Variants in CYFIP1 observed in about 807,000 individuals in gnomAD.
The protein encoded by CYFIP1 is cytoplasmic FMR1-interacting protein 1.
Under a neutral mutation model 163.5 loss-of-function variants are expected in CYFIP1, and 58 were observed. The observed-to-expected ratio is 0.35, with a 90% CI of 0.29 to 0.44. The LOEUF (loss-of-function observed/expected upper bound fraction) is 0.44, where lower values mean the gene tolerates loss of function less well. Among genes scored for constraint, CYFIP1 ranks in the 20% least tolerant of loss-of-function variants. The pLI, the probability that CYFIP1 is intolerant of heterozygous loss-of-function variation, is 1.00. For missense variants in CYFIP1, 1,338 were observed against 1,653.8 expected, an observed-to-expected ratio of 0.81 and a Z score of 3.31; for synonymous variants, 663 against 660.7, an observed-to-expected ratio of 1.00 and a Z score of -0.05.
intron 6 of CYFIP1, 49 bp from the exon 7 acceptor site, chr15:22,939,556 TTAAAAAAAAAAAA>T (rs2061832077): frequency 2.2e-5 from 9 of 408,542 alleles, no homozygotes; most frequent in Non-Finnish European, 3.0e-5. Flanking sequence ...CGTGCCACAT[TTAAAAAAAAAAAA>T]AAAAAAAAAA....
At chr15:22,954,780 T>C (rs1194429678) in intron 1 of CYFIP1, among the ~76,000 whole-genome samples, 1 of 152,168 alleles carries the variant, frequency 6.6e-6, no homozygotes, top group African/African-American at 2.4e-5. Context: ...TAATAAGCCA[T>C]CAGTTCGTTT....
intron 3 of CYFIP1, among the ~76,000 whole-genome samples, chr15:22,945,414 G>A (rs967456492): frequency 2.0e-5 from 3 of 152,156 alleles, no homozygotes; most frequent in South Asian, 2.1e-4. Context: ...TTAGGAGCAC[G>A]CCCACAGCAC....
intron 30 of CYFIP1, among the ~76,000 whole-genome samples, chr15:22,871,565 T>C (rs779898959): frequency 1.3e-5 from 2 of 152,134 alleles, no homozygotes; most frequent in Non-Finnish European, 2.9e-5. Flanking sequence ...TGTGACTGCA[T>C]TGCCTCCACT....
At chr15:22,883,216 A>G (rs1051947265) in intron 23 of CYFIP1, among the ~76,000 whole-genome samples, 1 of 152,218 alleles carries the variant, frequency 6.6e-6, no homozygotes, top group Non-Finnish European at 1.5e-5. Context: ...ATAGAAAAGA[A>G]AAGAAAACCA....
intron 14 of CYFIP1, 24 bp downstream of exon 14, chr15:22,918,668 G>A (rs773352392): frequency 1.3e-6 from 2 of 1,546,350 alleles, no homozygotes; most frequent in Non-Finnish European, 8.7e-7. Context: ...GGCACAGCGG[G>A]CACAGGGCGT....
chr15:22,903,942 G>A (rs752394914), intron 21 of CYFIP1, 37 bp from the exon 22 acceptor site: 6 of 1,599,802 alleles, frequency 3.8e-6, no homozygotes, highest in Non-Finnish European at 5.1e-6. Context: ...GACAGAGCTG[G>A]TCCAGGCAGG....
chr15:22,964,204 A>G, intron 1 of CYFIP1, among the ~76,000 whole-genome samples: 1 of 139,606 alleles, frequency 7.2e-6, no homozygotes, highest in Admixed American at 7.4e-5. Flanking sequence ...CTACTTTCCC[A>G]GCCAGATGAT....
intron 20 of CYFIP1, 45 bp downstream of exon 20, chr15:22,910,475 T>C (rs750360254): frequency 6.5e-7 from 1 of 1,536,996 alleles, no homozygotes; most frequent in Non-Finnish European, 9.0e-7. Flanking sequence ...CCCAGTCTTT[T>C]CAATGCACAC....
intron 13 of CYFIP1, among the ~76,000 whole-genome samples, chr15:22,920,845 A>C (rs1397929187): frequency 1.3e-5 from 2 of 152,172 alleles, no homozygotes; most frequent in Non-Finnish European, 2.9e-5. Context: ...AATCAACAAA[A>C]AAGAAAAGTT....
intron 29 of CYFIP1, 30 bp from the exon 30 acceptor site, chr15:22,873,002 A>G (rs2059480268): frequency 1.9e-6 from 3 of 1,611,404 alleles, no homozygotes; most frequent in Non-Finnish European, 2.5e-6. Flanking sequence ...ACAGAATGGG[A>G]GATGAGTGAT....
chr15:22,939,857 A>C (rs1567003654), intron 6 of CYFIP1, among the ~76,000 whole-genome samples: 2 of 152,124 alleles, frequency 1.3e-5, no homozygotes, highest in Non-Finnish European at 2.9e-5. Flanking sequence ...CTGGACCCCG[A>C]GTCTGAGAAG....
chr15:22,939,480 T>C lies in CYFIP1; in HGVS notation c.597A>G (p.Ala199=). 6.2e-7 allele frequency: 1 copy of C among 1,608,554 alleles called. No individual in the cohort carries two copies. The highest frequency in any genetic ancestry group is 1.7e-4 in the Middle Eastern group (1 of 6,046). Residue 199 remains alanine (A), a synonymous_variant, in exon 7 of 31, where the codon GCA becomes GCG. Transcript: ENST00000617928. Reference sequence around the variant, plus strand: ...GCGATTCCTGGATGGACTGTGGATCTGCCATTTTACGTAAAAACTGAGCGG... The same window carrying C: ...GCGATTCCTGGATGGACTGTGGATCCGCCATTTTACGTAAAAACTGAGCGG... ...KRAAQFLRKM[A]DPQSIQESQN...
intron 16 of CYFIP1, 82 bp from the exon 17 acceptor site, chr15:22,914,964 T>C (rs4134803): frequency 0.37 from 522,976 of 1,426,870 alleles, 99,406 homozygotes; most frequent in African/African-American, 0.59. Flanking sequence ...GGCTGTGTGC[T>C]GGGTGCCTGC....
At chr15:22,882,824 G>A (rs1276256838) in intron 24 of CYFIP1, 44 bp downstream of exon 24, 2 of 1,588,398 alleles carry the variant, frequency 1.3e-6, no homozygotes, top group African/African-American at 2.7e-5. Context: ...GGTGCCCCAG[G>A]GAATCCAGGC....
chr15:22,884,768 C>G (rs1386517220), intron 23 of CYFIP1, among the ~76,000 whole-genome samples: 5 of 152,186 alleles, frequency 3.3e-5, no homozygotes, highest in Admixed American at 1.3e-4. Flanking sequence ...GCTCCACCCC[C>G]ACAGCAAACC....
In CYFIP1 at chr15:22,892,995, AAAAAAG is replaced by A; in HGVS notation, c.2589-24_2589-19del. ...GAACAAACCTAAACAAGAAAGATTT[AAAAAAG>A]AAAAAGAAACCAAATTTAACAATAG... On this transcript the variant is annotated intron_variant, in intron 22 of 30. Transcript: ENST00000617928. 2 of 1,587,774 alleles carry A rather than the reference AAAAAAG, an allele frequency of 1.3e-6. No individual in the cohort carries two copies. The highest frequency in any genetic ancestry group is 1.7e-6 in the Non-Finnish European group (2 of 1,160,078).
intron 22 of CYFIP1, among the ~76,000 whole-genome samples, chr15:22,900,553 C>G (rs1408255273): frequency 6.6e-6 from 1 of 151,990 alleles, no homozygotes; most frequent in African/African-American, 2.4e-5. Flanking sequence ...CGCCCGCCAC[C>G]ACACCCAGCT....
At chr15:22,962,406 T>TC (rs1467857416) in intron 1 of CYFIP1, among the ~76,000 whole-genome samples, 1 of 150,762 alleles carries the variant, frequency 6.6e-6, no homozygotes. Context: ...TTTTTCTTTT[T>TC]TTTTTTCTTG....
At position 22,873,499 on chromosome 15, in the gene CYFIP1, G is replaced by A. The variant is rs764819058; in HGVS notation, c.3441C>T (p.Phe1147=). The change falls in exon 29 of 31, where the codon TTC becomes TTT. Residue 1147 remains phenylalanine (F), a synonymous_variant. Coordinates refer to ENST00000617928, the MANE Select transcript of CYFIP1 (RefSeq NM_014608.6). ...TCTCAGCACACACTTACTCGACTGT[G>A]AACTCGTGTGTCCCCACGGGAATGC... The part of the protein sequence containing the change: ...VYCIPVGTHE[F]TVEQCFGDGL... The A allele has an allele frequency of 2.5e-6, 4 of 1,613,006 alleles. No homozygotes were observed. The highest frequency in any genetic ancestry group is 3.4e-6 in the Non-Finnish European group (4 of 1,179,184).
Sources: gnomAD v4.1 joint callset for allele counts (sites outside exome capture counted in the v4.1 genomes callset) on GRCh38, gnomAD v4.1.1 for gene constraint, MANE v1.5 for transcripts, NCBI Gene and HGNC (gene_info 2026-07-23, HGNC 2026-07-21) for gene names.